The following GSK3B variants were observed in gnomAD, a reference collection of about 807,000 sequenced individuals.
GSK3B encodes the protein glycogen synthase kinase 3 beta.
Under a neutral mutation model 56.4 loss-of-function variants are expected in GSK3B, and 15 were observed. The ratio of observed to expected loss-of-function variants is 0.27; its 90% CI spans 0.18 to 0.41. The LOEUF is 0.41. GSK3B is among the 10% of genes least tolerant of loss of function. GSK3B has a pLI of 1.00. For synonymous variants in GSK3B, 181 were observed against 188.9 expected, an observed-to-expected ratio of 0.96 and a Z score of 0.34; for missense variants, 300 against 513.4, an observed-to-expected ratio of 0.58 and a Z score of 4.02.
At chr3:119,915,011 G>A (rs145325471) in intron 5 of GSK3B, among the ~76,000 whole-genome samples, 2 of 152,146 alleles carry the variant, frequency 1.3e-5, no homozygotes, top group East Asian at 3.9e-4. Flanking sequence ...AGAGAGATTA[G>A]GTGATTACAC....
chr3:119,943,349 T>C (rs1410134191), intron 3 of GSK3B, among the ~76,000 whole-genome samples: 6 of 152,170 alleles, frequency 3.9e-5, no homozygotes, highest in Admixed American at 6.5e-5. Context: ...AATGTGGGAA[T>C]AGATAAAATA....
At chr3:119,864,343 T>C (rs2056148101) in intron 8 of GSK3B, among the ~76,000 whole-genome samples, 1 of 152,160 alleles carries the variant, frequency 6.6e-6, no homozygotes, top group Non-Finnish European at 1.5e-5. Flanking sequence ...TAAATTAATC[T>C]ACTTAAAGGA....
At chr3:119,896,398 G>A (rs1480668339) in intron 7 of GSK3B, among the ~76,000 whole-genome samples, 2 of 151,232 alleles carry the variant, frequency 1.3e-5, no homozygotes, top group East Asian at 2.0e-4. Flanking sequence ...TAGAAAGGGG[G>A]GTATATGAAT....
chr3:119,920,646 T>C (rs2056831106), intron 4 of GSK3B, among the ~76,000 whole-genome samples: 1 of 152,200 alleles, frequency 6.6e-6, no homozygotes, highest in Non-Finnish European at 1.5e-5. Context: ...TAGCTGGTGG[T>C]CCTAGTGTTG....
At chr3:119,918,524 TAAAA>T (rs1344790780) in intron 4 of GSK3B, among the ~76,000 whole-genome samples, 1 of 151,690 alleles carries the variant, frequency 6.6e-6, no homozygotes, top group Non-Finnish European at 1.5e-5. Context: ...GGTGGCTAAA[TAAAA>T]GACTAGAATG....
chr3:119,916,897 G>C, intron 4 of GSK3B, among the ~76,000 whole-genome samples: 1 of 152,108 alleles, frequency 6.6e-6, no homozygotes, highest in East Asian at 1.9e-4. Flanking sequence ...TTACCAAAAA[G>C]ATACACTGAG....
chr3:119,933,854 T>C (rs984608578), intron 3 of GSK3B, among the ~76,000 whole-genome samples: 1 of 152,116 alleles, frequency 6.6e-6, no homozygotes, highest in Non-Finnish European at 1.5e-5. Flanking sequence ...TCCAGCCTGA[T>C]AGGCAGAGCG....
chr3:120,012,943 TC>T (rs1197112733), intron 1 of GSK3B, among the ~76,000 whole-genome samples: 9 of 152,044 alleles, frequency 5.9e-5, no homozygotes, highest in Admixed American at 3.9e-4. Context: ...TACCTCAGCC[TC>T]CCCAAAGTGC....
chr3:119,905,905 A>G (rs1389377489), intron 6 of GSK3B, 53 bp from the exon 7 acceptor site: 5 of 988,722 alleles, frequency 5.1e-6, no homozygotes, highest in Non-Finnish European at 8.1e-6. Context: ...TTGAGCTGAA[A>G]AGTGTTTGTA....
intron 1 of GSK3B, among the ~76,000 whole-genome samples, chr3:120,092,352 G>C (rs2058519585): frequency 6.6e-6 from 1 of 152,094 alleles, no homozygotes; most frequent in Non-Finnish European, 1.5e-5. Context: ...AAATGGAAAG[G>C]ACTAAATCCA....
intron 1 of GSK3B, among the ~76,000 whole-genome samples, chr3:120,035,117 G>C (rs990073345): frequency 1.2e-4 from 18 of 152,120 alleles, no homozygotes; most frequent in African/African-American, 4.1e-4. Context: ...AAATTAAAAT[G>C]AGGTCATTCC....
intron 1 of GSK3B, among the ~76,000 whole-genome samples, chr3:120,085,609 G>C (rs1384710808): frequency 1.3e-5 from 2 of 152,166 alleles, no homozygotes; most frequent in Non-Finnish European, 2.9e-5. Flanking sequence ...GGACTAGTCT[G>C]GCCAACATGG....
At chr3:119,931,941 T>C (rs9878473) in intron 3 of GSK3B, among the ~76,000 whole-genome samples, 81,417 of 152,010 alleles carry the variant, frequency 0.54, 25,147 homozygotes, top group African/African-American at 0.86. Context: ...CTGATAACCA[T>C]TTTTCTATGA....
intron 4 of GSK3B, among the ~76,000 whole-genome samples, chr3:119,917,067 C>T (rs1006678345): frequency 6.6e-6 from 1 of 151,834 alleles, no homozygotes; most frequent in African/African-American, 2.4e-5. Context: ...ACCTCTACCC[C>T]AAAGTTACAC....
intron 1 of GSK3B, among the ~76,000 whole-genome samples, chr3:120,030,762 C>T (rs1428368641): frequency 6.6e-6 from 1 of 152,206 alleles, no homozygotes; most frequent in Non-Finnish European, 1.5e-5. Flanking sequence ...TTACTATATT[C>T]ACAGTAACCA....
chr3:119,932,513 T>G (rs1259793515), intron 3 of GSK3B, among the ~76,000 whole-genome samples: 1 of 152,006 alleles, frequency 6.6e-6, no homozygotes, highest in Non-Finnish European at 1.5e-5. Flanking sequence ...GGTTTTTTTT[T>G]TTTTTTAGAA....
intron 1 of GSK3B, among the ~76,000 whole-genome samples, chr3:120,019,493 C>CA (rs1559878817): frequency 6.6e-6 from 1 of 152,198 alleles, no homozygotes; most frequent in African/African-American, 2.4e-5. Flanking sequence ...AAATCTATCT[C>CA]AAACAATTTC....
intron 10 of GSK3B, 75 bp from the exon 11 acceptor site, chr3:119,826,930 A>C: frequency 1.1e-6 from 1 of 906,440 alleles, no homozygotes; most frequent in East Asian, 2.4e-5. Flanking sequence ...CACTGTTTCA[A>C]CTGCAGGCTG....
At chr3:119,856,447 T>G (rs1433675546) in intron 9 of GSK3B, among the ~76,000 whole-genome samples, 2 of 152,186 alleles carry the variant, frequency 1.3e-5, no homozygotes, top group Non-Finnish European at 2.9e-5. Context: ...CCCAGTAGAG[T>G]ACATCCAAAG....
Sources: gnomAD v4.1 joint callset for allele counts (sites outside exome capture counted in the v4.1 genomes callset) on GRCh38, gnomAD v4.1.1 for gene constraint, MANE v1.5 for transcripts, NCBI Gene and HGNC (gene_info 2026-07-23, HGNC 2026-07-21) for gene names.